The following TNFAIP8L3 variants were observed in gnomAD, a reference collection of about 807,000 sequenced individuals.
TNFAIP8L3 encodes the protein TNF alpha induced protein 8 like 3, also known as tumor necrosis factor alpha-induced protein 8-like protein 3.
Under a neutral mutation model 11.8 loss-of-function variants are expected in TNFAIP8L3, and 7 were observed. The observed-to-expected ratio is 0.59, with a 90% CI of 0.34 to 1.11. The LOEUF (loss-of-function observed/expected upper bound fraction) is 1.11, where lower values mean the gene tolerates loss of function less well. Among genes scored for constraint, TNFAIP8L3 ranks in the 50% most tolerant of loss-of-function variants. The pLI, the probability that TNFAIP8L3 is intolerant of heterozygous loss-of-function variation, is 0.03. For synonymous variants in TNFAIP8L3, 98 were observed against 103.8 expected (o/e 0.94, Z 0.34); for missense variants, 219 against 258.6 (o/e 0.85, Z 1.05).
chr15:51,088,461 G>T (rs963368024), intron 1 of TNFAIP8L3, among the ~76,000 whole-genome samples: 1 of 152,042 alleles, frequency 6.6e-6, no homozygotes, highest in Non-Finnish European at 1.5e-5. Flanking sequence ...AGTTTGAGGT[G>T]GGTTTTCTCT....
intron 1 of TNFAIP8L3, among the ~76,000 whole-genome samples, chr15:51,091,779 T>A (rs979318875): frequency 6.6e-6 from 1 of 151,680 alleles, no homozygotes. Flanking sequence ...ACAAATCTCT[T>A]TAGGCAGTTA....
upstream of TNFAIP8L3, among the ~76,000 whole-genome samples, chr15:51,096,889 CTCAA>C (rs1567298053): frequency 1.2e-5 from 1 of 82,672 alleles, no homozygotes; most frequent in Admixed American, 1.5e-4. Flanking sequence ...AACACGCTGT[CTCAA>C]AAAAAAAAAA....
At position 51,058,018 on chromosome 15, in the gene TNFAIP8L3, G is replaced by A. The variant is rs1192807603; in HGVS notation, c.478C>T (p.Arg160Cys). ...AAGTGGTTAAAGACGTGGTTGATGC[G>A]CCCGTGGGTCCTGGGCGTCAGGTGC... ...QRHLTPRTHG[R>C]INHVFNHFAD... is the part of the protein sequence containing the mutation. The change falls in exon 2 of 2, where the codon CGC becomes TGC. Residue 160 changes from arginine (R) to cysteine (C), a missense_variant. Arg to Cys is a radical substitution (Grantham distance 180). Coordinates refer to ENST00000637513, the MANE Select transcript of TNFAIP8L3 (RefSeq NM_001311175.2). 7 of 1,614,066 alleles carry A rather than the reference G, an allele frequency of 4.3e-6. No individual in the cohort carries two copies. The African/African-American group carries it at 6.7e-5, about 15-fold the overall frequency.
At chr15:51,078,238 T>C (rs1226909315) in intron 1 of TNFAIP8L3, among the ~76,000 whole-genome samples, 1 of 149,210 alleles carries the variant, frequency 6.7e-6, no homozygotes, top group Non-Finnish European at 1.5e-5. Flanking sequence ...ATCTTGTAAT[T>C]GGCCCTGAGG....
intron 1 of TNFAIP8L3, among the ~76,000 whole-genome samples, chr15:51,104,825 G>A (rs912088513): frequency 6.6e-6 from 1 of 152,196 alleles, no homozygotes. Flanking sequence ...GAAGACACCT[G>A]GATTTTTATT....
chr15:51,069,419 G>A (rs1375385827), intron 1 of TNFAIP8L3: 1 of 152,180 alleles, frequency 6.6e-6, no homozygotes, highest in Non-Finnish European at 1.5e-5. Context: ...TTGCTTCAAT[G>A]CCTTACATTG....
intron 1 of TNFAIP8L3, among the ~76,000 whole-genome samples, chr15:51,065,744 G>A (rs1200360959): frequency 6.6e-6 from 1 of 152,168 alleles, no homozygotes; most frequent in African/African-American, 2.4e-5. Context: ...TTGAATGTAA[G>A]TGTGGATAGC....
chr15:51,084,493 T>C (rs2065413543), intron 1 of TNFAIP8L3, among the ~76,000 whole-genome samples: 1 of 152,252 alleles, frequency 6.6e-6, no homozygotes, highest in Admixed American at 6.5e-5. Flanking sequence ...ATTGGGATAA[T>C]TTAATCTCTC....
chr15:51,093,824 C>CG (rs956239405), intron 1 of TNFAIP8L3, among the ~76,000 whole-genome samples: 2 of 152,064 alleles, frequency 1.3e-5, no homozygotes, highest in African/African-American at 4.8e-5. Context: ...CAGGGAGAGG[C>CG]GGGGGAGGAC....
intron 1 of TNFAIP8L3, among the ~76,000 whole-genome samples, chr15:51,081,106 C>A (rs12595600): frequency 0.2 from 31,032 of 152,056 alleles, 3,643 homozygotes; most frequent in East Asian, 0.44. Context: ...CAAGACTTGG[C>A]TTTTTCACTG....
At chr15:51,081,148 TG>T (rs963269034) in intron 1 of TNFAIP8L3, among the ~76,000 whole-genome samples, 1 of 151,386 alleles carries the variant, frequency 6.6e-6, no homozygotes, top group Non-Finnish European at 1.5e-5. Context: ...GGAGGGCTTG[TG>T]GGGGTGGGTG....
At chr15:51,059,950 T>C (rs2065232212) in intron 1 of TNFAIP8L3, among the ~76,000 whole-genome samples, 1 of 152,206 alleles carries the variant, frequency 6.6e-6, no homozygotes, top group South Asian at 2.1e-4. Context: ...CCCAGCAAGC[T>C]CTCTTCCAAA....
At chr15:51,074,164 C>A (rs2065332983) in intron 1 of TNFAIP8L3, among the ~76,000 whole-genome samples, 1 of 152,168 alleles carries the variant, frequency 6.6e-6, no homozygotes, top group South Asian at 2.1e-4. Context: ...AGACTAGTCC[C>A]ATAAAACGGA....
chr15:51,105,190 T>C, exon 1 of TNFAIP8L3: 1 of 1,612,570 alleles, frequency 6.2e-7, no homozygotes, highest in Non-Finnish European at 8.5e-7. Flanking sequence ...GACTCAGGTG[T>C]CCTTCTTGGG....
At chr15:51,069,291 T>C (rs888236334) in intron 1 of TNFAIP8L3, among the ~76,000 whole-genome samples, 2 of 150,118 alleles carry the variant, frequency 1.3e-5, no homozygotes, top group African/African-American at 4.8e-5. Flanking sequence ...GGAATGGGGA[T>C]TTGTGTGTTT....
intron 1 of TNFAIP8L3, among the ~76,000 whole-genome samples, chr15:51,059,258 C>T (rs955616318): frequency 1.3e-5 from 2 of 152,054 alleles, no homozygotes; most frequent in African/African-American, 4.8e-5. Flanking sequence ...ATTTATTTTG[C>T]TGTTATTTTC....
At chr15:51,093,486 CT>C (rs2065487439) in intron 1 of TNFAIP8L3, among the ~76,000 whole-genome samples, 1 of 152,244 alleles carries the variant, frequency 6.6e-6, no homozygotes, top group Non-Finnish European at 1.5e-5. Flanking sequence ...CCGAACCTCT[CT>C]TTCCTACACC....
chr15:51,096,335 A>T (rs1397796540), upstream of TNFAIP8L3, among the ~76,000 whole-genome samples: 3 of 152,174 alleles, frequency 2.0e-5, no homozygotes, highest in African/African-American at 7.2e-5. Context: ...TACAAGTTGG[A>T]TGGATATTGA....
intron 1 of TNFAIP8L3, chr15:51,069,685 A>G (rs2065295535): frequency 6.6e-6 from 1 of 152,242 alleles, no homozygotes; most frequent in African/African-American, 2.4e-5. Flanking sequence ...GGTATATACC[A>G]TGTATCTGAT....
Sources: allele counts gnomAD v4.1 joint callset (sites outside exome capture counted in the v4.1 genomes callset), GRCh38; gene constraint gnomAD v4.1.1; transcripts MANE v1.5; gene names NCBI Gene and HGNC (gene_info 2026-07-23, HGNC 2026-07-21).